ARHGAP8: variants seen among roughly 807,000 people sequenced by gnomAD.
The protein encoded by ARHGAP8 is Rho GTPase activating protein 8.
Under a neutral mutation model 46.1 loss-of-function variants are expected in ARHGAP8, and 62 were observed. The observed-to-expected ratio is 1.34, with a 90% CI of 1.10 to 1.66. The LOEUF is 1.66. Among genes scored for constraint, ARHGAP8 ranks in the 40% most tolerant of loss-of-function variants. The pLI is 0.00. For missense variants in ARHGAP8, 923 were observed against 568.4 expected (o/e 1.62, Z -6.34); for synonymous variants, 375 against 243.1 (o/e 1.54, Z -5.05).
chr22:44,824,361 C>G (rs903980769), intron 6 of ARHGAP8, among the ~76,000 whole-genome samples: 1 of 152,204 alleles, frequency 6.6e-6, no homozygotes, highest in African/African-American at 2.4e-5. Flanking sequence ...GCAGCTCACA[C>G]GTGCTTGGCT....
intron 1 of ARHGAP8, among the ~76,000 whole-genome samples, chr22:44,782,498 G>GCCCT (rs1267474737): frequency 6.6e-6 from 1 of 151,504 alleles, no homozygotes; most frequent in East Asian, 1.9e-4. Flanking sequence ...CCACTCCCCT[G>GCCCT]CCCTCCCTCC....
intron 10 of ARHGAP8, among the ~76,000 whole-genome samples, chr22:44,854,459 C>T (rs1213850481): frequency 6.6e-6 from 1 of 151,948 alleles, no homozygotes; most frequent in Non-Finnish European, 1.5e-5. Flanking sequence ...TCTTGAACTC[C>T]TGACCTCAAA....
chr22:44,862,458 G>C lies in ARHGAP8; in HGVS notation c.1165G>C (p.Glu389Gln). ...CTTCAGCACCCCGGAGGCACCTGGG[G>C]AGCACGGCCTGGCACCATGGGAACA... ...KIFSTPEAPG[E>Q]HGLAPWEQGS... Residue 389 changes from glutamate (E) to glutamine (Q), a missense_variant, in exon 12 of 12, where the codon GAG becomes CAG. Physicochemically the swap from Glu to Gln is conservative, Grantham distance 29. Coordinates refer to ENST00000356099, the MANE Select transcript of ARHGAP8 (RefSeq NM_181335.3). 1 of 1,614,030 alleles carries C rather than the reference G, an allele frequency of 6.2e-7. No homozygotes were observed. The highest frequency in any genetic ancestry group is 8.5e-7 in the Non-Finnish European group (1 of 1,179,946).
intron 8 of ARHGAP8, among the ~76,000 whole-genome samples, chr22:44,846,223 G>A (rs895639892): frequency 5.9e-5 from 9 of 152,200 alleles, no homozygotes; most frequent in East Asian, 1.9e-4. Context: ...TCCATCTGGC[G>A]GGGAGTTCCC....
chr22:44,811,006 T>G (rs974839298), intron 4 of ARHGAP8, among the ~76,000 whole-genome samples: 1 of 152,170 alleles, frequency 6.6e-6, no homozygotes, highest in African/African-American at 2.4e-5. Context: ...CCCTCTGCAC[T>G]TCCCCACGTG....
Position 44,814,691 on chromosome 22 carries a change from G to A in ARHGAP8, c.319G>A (p.Ala107Thr), listed in dbSNP as rs536804543. 1.2e-6 allele frequency: 2 copies of A among 1,613,806 alleles called. No individual in the cohort carries two copies. Among genetic ancestry groups the A allele is most frequent in the African/African-American group, 1.3e-5 (1 of 74,874 alleles). ...CCTCAGGTACAAGAAGAACTTGAAG[G>A]CCCTCTACGTGGTGCACCCCACCAG... ...FDRKYKKNLK[A>T]LYVVHPTSFI... Residue 107 changes from alanine (A) to threonine (T), a missense_variant, in exon 5 of 12, where the codon GCC (alanine) becomes ACC (threonine). Coordinates refer to ENST00000356099, the MANE Select transcript of ARHGAP8 (RefSeq NM_181335.3).
At chr22:44,788,347 G>C (rs1927428835) in intron 2 of ARHGAP8, among the ~76,000 whole-genome samples, 1 of 152,102 alleles carries the variant, frequency 6.6e-6, no homozygotes, top group Non-Finnish European at 1.5e-5. Context: ...TCGAACTCCT[G>C]ACCTCAGGTG....
chr22:44,772,786 T>C (rs1486802471), intron 1 of ARHGAP8, among the ~76,000 whole-genome samples: 1 of 151,350 alleles, frequency 6.6e-6, no homozygotes, highest in African/African-American at 2.4e-5. Context: ...AGAGTTTTCT[T>C]TGAATTTATT....
At chr22:44,840,293 C>T (rs982564715) in intron 7 of ARHGAP8, among the ~76,000 whole-genome samples, 32 of 152,202 alleles carry the variant, frequency 2.1e-4, no homozygotes, top group African/African-American at 6.3e-4. Context: ...ATCAGGATCT[C>T]GGCAGGGCTG....
In ARHGAP8 at chr22:44,860,981, G is replaced by A. The variant is rs149801356; in HGVS notation, c.981+1147G>A. ...CTGTTGCTTGACATAATTTCTCAGA[G>A]GCCCAAAACTAAACTCTCCTAATTC... On this transcript the variant is annotated intron_variant, in intron 11 of 11. Transcript: ENST00000356099. Among the ~76,000 whole-genome samples, 963 of 140,308 alleles carry A rather than the reference G, an allele frequency of 6.9e-3. 6 individuals carry two copies. Among genetic ancestry groups the A allele is most frequent in the Middle Eastern group, 0.014 (4 of 288 alleles). 92.0% of individuals were successfully genotyped at this position (140,308 alleles called of 152,430 possible).
chr22:44,848,677 A>G (rs1305328925), intron 9 of ARHGAP8, among the ~76,000 whole-genome samples: 1 of 152,196 alleles, frequency 6.6e-6, no homozygotes, highest in East Asian at 1.9e-4. Context: ...GAGCAACAGC[A>G]TGCCACAGAG....
intron 3 of ARHGAP8, among the ~76,000 whole-genome samples, chr22:44,805,797 T>C (rs1928881395): frequency 6.6e-6 from 1 of 152,236 alleles, no homozygotes; most frequent in Non-Finnish European, 1.5e-5. Context: ...CCCCGTACAT[T>C]ATCCTCCCTA....
chr22:44,771,914 A>G (rs1472024488), intron 1 of ARHGAP8, among the ~76,000 whole-genome samples: 7 of 152,104 alleles, frequency 4.6e-5, no homozygotes, highest in African/African-American at 7.2e-5. Context: ...TTGTCTTATT[A>G]CAGTGGGTGG....
intron 4 of ARHGAP8, 163 bp downstream of exon 4, chr22:44,808,601 T>C (rs1929102570): frequency 6.8e-6 from 9 of 1,319,772 alleles, no homozygotes; most frequent in Non-Finnish European, 9.4e-6. Context: ...ACCTCCCCTC[T>C]GGGCCAAGCT....
intron 8 of ARHGAP8, 131 bp downstream of exon 8, chr22:44,845,473 G>A: frequency 7.9e-7 from 1 of 1,259,638 alleles, no homozygotes. Context: ...CAAGCACAGT[G>A]GCTCCAGGTC....
chr22:44,796,284 C>T (rs1435947596), intron 2 of ARHGAP8, among the ~76,000 whole-genome samples: 1 of 152,232 alleles, frequency 6.6e-6, no homozygotes, highest in Admixed American at 6.5e-5. Context: ...CCGGCCTCTG[C>T]TGCATCTCTG....
chr22:44,804,281 G>A (rs542819829), intron 3 of ARHGAP8, among the ~76,000 whole-genome samples: 1 of 152,292 alleles, frequency 6.6e-6, no homozygotes, highest in South Asian at 2.1e-4. Flanking sequence ...CGGCCACCGA[G>A]CCTCCTTCCT....
intron 7 of ARHGAP8, 112 bp downstream of exon 7, chr22:44,825,705 G>A (rs2147122943): frequency 1.6e-6 from 2 of 1,262,700 alleles, no homozygotes; most frequent in South Asian, 1.5e-5. Context: ...CAGCCAAGCT[G>A]AACCCTGCAG....
At chr22:44,818,669 T>C (rs1041269985) in intron 5 of ARHGAP8, among the ~76,000 whole-genome samples, 3 of 152,092 alleles carry the variant, frequency 2.0e-5, no homozygotes, top group Non-Finnish European at 2.9e-5. Context: ...TTAATACATA[T>C]AGTGTTTATT....
Sources: gnomAD v4.1 joint callset for allele counts (sites outside exome capture counted in the v4.1 genomes callset) on GRCh38, gnomAD v4.1.1 for gene constraint, MANE v1.5 for transcripts, NCBI Gene and HGNC (gene_info 2026-07-23, HGNC 2026-07-21) for gene names.